The following ATP1B3 variants were observed in gnomAD, a reference collection of about 807,000 sequenced individuals.
The protein encoded by ATP1B3 is ATPase Na+/K+ transporting subunit beta 3, also known as sodium/potassium-transporting ATPase subunit beta-3.
ATP1B3 carries 10 observed loss-of-function variants against 30.2 expected under a neutral mutation model. The observed-to-expected ratio is 0.33, with a 90% confidence interval of 0.20 to 0.56. ATP1B3 has a LOEUF of 0.56. Among genes scored for constraint, ATP1B3 ranks in the 20% least tolerant of loss-of-function variants. The pLI is 0.90. For synonymous variants in ATP1B3, 113 were observed against 117.0 expected (o/e 0.97, Z 0.22); for missense variants, 238 against 336.7 (o/e 0.71, Z 2.29).
intron 1 of ATP1B3, among the ~76,000 whole-genome samples, chr3:141,895,138 T>C (rs1248587740): frequency 2.0e-5 from 3 of 151,876 alleles, no homozygotes; most frequent in African/African-American, 7.3e-5. Flanking sequence ...GAGGGTCTCA[T>C]AGGAGATGAC....
chr3:141,889,756 TACACACACACACACACACACACACAC>T (rs34670135), intron 1 of ATP1B3, among the ~76,000 whole-genome samples: 6 of 84,042 alleles, frequency 7.1e-5, no homozygotes, highest in African/African-American at 1.1e-4. Flanking sequence ...AAAAAATATA[TACACACACACACACACACACACACAC>T]ACACACACAC....
chr3:141,877,142 G>C (rs1271185498), intron 1 of ATP1B3, among the ~76,000 whole-genome samples: 1 of 150,842 alleles, frequency 6.6e-6, no homozygotes, highest in African/African-American at 2.4e-5. Flanking sequence ...GCCCGGCCGG[G>C]CCGCGCTGGT....
intron 5 of ATP1B3, among the ~76,000 whole-genome samples, chr3:141,919,407 G>T (rs1002258099): frequency 3.9e-5 from 6 of 151,904 alleles, no homozygotes; most frequent in African/African-American, 1.5e-4. Context: ...GTGAACCACC[G>T]CAGATGGCCA....
intron 1 of ATP1B3, chr3:141,902,347 A>C: frequency 1.5e-6 from 1 of 654,538 alleles, no homozygotes; most frequent in Non-Finnish European, 2.4e-6. Flanking sequence ...TTGAGAAATA[A>C]AAGTTATCTA....
At chr3:141,921,573 T>C (rs192758331) in intron 5 of ATP1B3, 289 of 154,692 alleles carry the variant, frequency 1.9e-3, no homozygotes, top group Non-Finnish European at 2.7e-3. Context: ...TGCTTTCCAG[T>C]CTGGAAGCAC....
rs11844 is a variant in ATP1B3 at position 141,925,932 on chromosome 3, G to A, written c.*231G>A. ...AGTGTACAGTCGCCAGATAGGGACCGGTGAACACCTGATTCCAAACATGTA... is the reference window on the plus strand; with the variant it reads ...AGTGTACAGTCGCCAGATAGGGACCAGTGAACACCTGATTCCAAACATGTA... On this transcript the variant is annotated 3_prime_UTR_variant, in exon 7 of 7. Transcript: ENST00000286371. 4.8e-5 allele frequency: 22 copies of A among 455,864 alleles called. 1 individual carries two copies. The highest frequency in any genetic ancestry group is 5.6e-4 in the Middle Eastern group (1 of 1,772). The allele number at this position is 455,864 out of a possible 1,614,324, so 28.2% of individuals were successfully genotyped here. A position where few individuals can be genotyped will look rare whatever the true frequency, so the allele number is the denominator to read the frequency against.
At chr3:141,913,915 G>A in intron 4 of ATP1B3, 79 bp downstream of exon 4, 3 of 1,396,732 alleles carry the variant, frequency 2.1e-6, no homozygotes, top group Non-Finnish European at 1.9e-6. Context: ...AGATTGTTGT[G>A]GTTGGGTTAA....
chr3:141,916,821 G>A (rs1053676584), intron 5 of ATP1B3, among the ~76,000 whole-genome samples: 1 of 152,026 alleles, frequency 6.6e-6, no homozygotes, highest in African/African-American at 2.4e-5. Flanking sequence ...CGTTCCCATA[G>A]TTTCTGACTC....
At chr3:141,924,462 G>A (rs1170139820) in intron 6 of ATP1B3, among the ~76,000 whole-genome samples, 1 of 151,648 alleles carries the variant, frequency 6.6e-6, no homozygotes, top group Non-Finnish European at 1.5e-5. Flanking sequence ...AACTTCAGTA[G>A]CAATGGCAAA....
chr3:141,913,443 T>C (rs1054577560), intron 3 of ATP1B3, among the ~76,000 whole-genome samples: 1 of 152,186 alleles, frequency 6.6e-6, no homozygotes, highest in South Asian at 2.1e-4. Flanking sequence ...TAATCCAGTT[T>C]GTATGATTAT....
intron 1 of ATP1B3, among the ~76,000 whole-genome samples, chr3:141,886,790 G>A (rs889882246): frequency 2.6e-5 from 4 of 152,176 alleles, no homozygotes; most frequent in Admixed American, 2.6e-4. Flanking sequence ...TTTAGGCCAG[G>A]AATTCAATAC....
chr3:141,886,264 C>CT (rs1439384200), intron 1 of ATP1B3, among the ~76,000 whole-genome samples: 1 of 152,136 alleles, frequency 6.6e-6, no homozygotes, highest in Non-Finnish European at 1.5e-5. Flanking sequence ...ACGGATGTAT[C>CT]TAAGACCCTT....
chr3:141,925,611 C>A lies in ATP1B3; in HGVS notation c.750C>A (p.Cys250Ter). Reference sequence around the variant, plus strand: ...CTGGGAAAGAAGTAACAGTTGAGTGCAAGATTGATGGATCAGCCAACCTAA... The same window carrying A: ...CTGGGAAAGAAGTAACAGTTGAGTGAAAGATTGATGGATCAGCCAACCTAA... ...NNTGKEVTVE[C>*]KIDGSANLKS... The change falls in exon 7 of 7, where the codon TGC becomes TGA. Residue 250 changes from cysteine (C) to a stop codon, truncating the protein, a stop_gained. Coordinates refer to ENST00000286371, the MANE Select transcript of ATP1B3 (RefSeq NM_001679.4). LOFTEE classifies it high-confidence loss of function. The A allele has an allele frequency of 6.2e-7, 1 of 1,613,730 alleles. No homozygotes were observed. The highest frequency in any genetic ancestry group is 8.5e-7 in the Non-Finnish European group (1 of 1,179,868).
intron 3 of ATP1B3, among the ~76,000 whole-genome samples, chr3:141,912,926 G>T (rs554390828): frequency 6.6e-6 from 1 of 152,246 alleles, no homozygotes; most frequent in South Asian, 2.1e-4. Flanking sequence ...CTCCTAACTT[G>T]TTTTCCGGAT....
rs569760827 is a variant in ATP1B3, at chr3:141,884,284, G to A, written c.109+7374G>A. Among the ~76,000 whole-genome samples, 44 of 152,260 alleles carry A rather than the reference G, an allele frequency of 2.9e-4. 2 individuals carry two copies. The South Asian group carries it at 9.1e-3, about 32-fold the overall frequency. On this transcript the variant is annotated intron_variant, in intron 1 of 6. Transcript: ENST00000286371. ...GTGGGTAAGATATGACTTTGGAAGT[G>A]ACCTTCCTGCAAGGCATGGGGTACT...
At chr3:141,892,651 CAAAAAAAA>C (rs386398103) in intron 1 of ATP1B3, among the ~76,000 whole-genome samples, 105 of 70,010 alleles carry the variant, frequency 1.5e-3, no homozygotes, top group East Asian at 0.014. Context: ...GAGACTGTCT[CAAAAAAAA>C]AAAAAAAAAA....
At chr3:141,909,003 T>TA (rs1422616984) in intron 3 of ATP1B3, among the ~76,000 whole-genome samples, 1 of 152,210 alleles carries the variant, frequency 6.6e-6, no homozygotes, top group African/African-American at 2.4e-5. Context: ...CTCAGAAACA[T>TA]ACTGTGTACT....
intron 1 of ATP1B3, among the ~76,000 whole-genome samples, chr3:141,885,188 G>A (rs1341930561): frequency 1.3e-5 from 2 of 152,032 alleles, no homozygotes; most frequent in South Asian, 4.1e-4. Flanking sequence ...CAATAACATC[G>A]CTTGAACCTC....
At chr3:141,910,541 G>A (rs1411611825) in intron 3 of ATP1B3, among the ~76,000 whole-genome samples, 3 of 151,222 alleles carry the variant, frequency 2.0e-5, no homozygotes, top group Non-Finnish European at 2.9e-5. Context: ...TTTATACTTG[G>A]TCTTTATATC....
Sources: allele counts gnomAD v4.1 joint callset (sites outside exome capture counted in the v4.1 genomes callset), GRCh38; gene constraint gnomAD v4.1.1; transcripts MANE v1.5; gene names NCBI Gene and HGNC (gene_info 2026-07-23, HGNC 2026-07-21).